PTPRM: variants seen among roughly 807,000 people sequenced by gnomAD.
PTPRM encodes receptor-type tyrosine-protein phosphatase mu.
A neutral mutation model predicts 186.7 loss-of-function variants in PTPRM; 47 were observed. The observed-to-expected ratio is 0.25, with a 90% CI of 0.20 to 0.32. PTPRM has a LOEUF of 0.32. Ranked by LOEUF, PTPRM falls within the 10% of genes least tolerant of loss-of-function variation. The pLI is 1.00. For synonymous variants in PTPRM, 668 were observed against 674.9 expected (o/e 0.99, Z 0.16); for missense variants, 1,494 against 1,865.0 (o/e 0.80, Z 3.66).
At chr18:8,164,892 C>T (rs753181646) in intron 14 of PTPRM, among the ~76,000 whole-genome samples, 7 of 34,606 alleles carry the variant, frequency 2.0e-4, no homozygotes, top group Non-Finnish European at 3.4e-4. Context: ...TAAGGCCAGG[C>T]GCAGTGGCAC....
intron 14 of PTPRM, among the ~76,000 whole-genome samples, chr18:8,146,806 A>G (rs2092897802): frequency 6.6e-6 from 1 of 152,126 alleles, no homozygotes; most frequent in African/African-American, 2.4e-5. Flanking sequence ...TAAGTCTTTA[A>G]TCCATCTTGA....
chr18:7,809,282 T>A (rs112826802), intron 2 of PTPRM, among the ~76,000 whole-genome samples: 123 of 152,236 alleles, frequency 8.1e-4, no homozygotes, highest in African/African-American at 2.7e-3. Context: ...TGTGCTCTAT[T>A]TTCCATCTGC....
At chr18:8,322,744 A>G (rs2095353553) in intron 22 of PTPRM, among the ~76,000 whole-genome samples, 1 of 152,190 alleles carries the variant, frequency 6.6e-6, no homozygotes, top group African/African-American at 2.4e-5. Context: ...CCACACACAT[A>G]AGAACCGACT....
chr18:8,207,479 G>A (rs1360939789), intron 14 of PTPRM, among the ~76,000 whole-genome samples: 1 of 152,100 alleles, frequency 6.6e-6, no homozygotes, highest in Non-Finnish European at 1.5e-5. Flanking sequence ...ATAAATGATG[G>A]TGCACATTTC....
At position 7,800,231 on chromosome 18, in the gene PTPRM, G is replaced by A. The variant is rs137863450; in HGVS notation, c.196+25960G>A. Among the ~76,000 whole-genome samples the A allele has an allele frequency of 8.5e-4, 129 of 152,228 alleles. 1 individual carries two copies. The highest frequency in any genetic ancestry group is 1.4e-3 in the African/African-American group (59 of 41,524). On this transcript the variant is annotated intron_variant, in intron 2 of 32. Coordinates refer to ENST00000580170, the MANE Select transcript of PTPRM (RefSeq NM_001105244.2). ...AAGCATACACTAAATCTATTACAGC[G>A]CTGCCCAATGTCATTTTTGGTCATG...
chr18:8,106,249 G>C (rs2091512281), intron 11 of PTPRM, among the ~76,000 whole-genome samples: 1 of 152,168 alleles, frequency 6.6e-6, no homozygotes, highest in African/African-American at 2.4e-5. Flanking sequence ...TCCATCTTCT[G>C]TGCTGATGAA....
At chr18:8,021,433 A>G (rs12326285) in intron 7 of PTPRM, among the ~76,000 whole-genome samples, 56,226 of 151,342 alleles carry the variant, frequency 0.37, 10,949 homozygotes, top group Non-Finnish European at 0.44. Context: ...TACATGTGCC[A>G]TGGTGGTTTG....
At chr18:7,756,209 G>A (rs1204390988) in intron 1 of PTPRM, among the ~76,000 whole-genome samples, 1 of 152,184 alleles carries the variant, frequency 6.6e-6, no homozygotes, top group Non-Finnish European at 1.5e-5. Context: ...GTTGCTTTCA[G>A]TGTTAGGTTA....
chr18:7,674,728 T>C (rs1383198782), intron 1 of PTPRM, among the ~76,000 whole-genome samples: 1 of 152,220 alleles, frequency 6.6e-6, no homozygotes, highest in African/African-American at 2.4e-5. Context: ...GATTTTCTTA[T>C]TTTGCCCATA....
At position 7,810,606 on chromosome 18, in the gene PTPRM, T is replaced by C. The variant is rs901454222; in HGVS notation, c.196+36335T>C. ...ACACCTACTTAGTAGCTTGTGTGTG[T>C]TGGGGAGAGACTGGGGTGGGGGGAG... On this transcript the variant is annotated intron_variant, in intron 2 of 32. Coordinates refer to ENST00000580170, the MANE Select transcript of PTPRM (RefSeq NM_001105244.2). Among the ~76,000 whole-genome samples the C allele has an allele frequency of 3.3e-5, 5 of 151,834 alleles. No individual in the cohort carries two copies. In the South Asian group the frequency reaches 1.0e-3, roughly 32 times the overall value.
At chr18:8,188,970 T>A (rs536122797) in intron 14 of PTPRM, among the ~76,000 whole-genome samples, 2 of 152,230 alleles carry the variant, frequency 1.3e-5, no homozygotes, top group African/African-American at 4.8e-5. Flanking sequence ...TTTCCAAAGA[T>A]GGCTGAGTAT....
At chr18:7,651,695 C>G (rs1323439262) in intron 1 of PTPRM, among the ~76,000 whole-genome samples, 4 of 151,942 alleles carry the variant, frequency 2.6e-5, no homozygotes, top group African/African-American at 9.7e-5. Context: ...AACTGGCTAG[C>G]CATATGTAGA....
chr18:7,865,306 GA>G (rs200214280), intron 2 of PTPRM, among the ~76,000 whole-genome samples: 4,603 of 152,248 alleles, frequency 0.03, 159 homozygotes, highest in East Asian at 0.15. Flanking sequence ...CCTTCAGTAT[GA>G]TATTGGCTGT....
chr18:7,948,130 T>TACAC (rs57918724), intron 5 of PTPRM, among the ~76,000 whole-genome samples: 13,370 of 137,746 alleles, frequency 0.097, 673 homozygotes, highest in Non-Finnish European at 0.12. Flanking sequence ...GATTATAAAA[T>TACAC]ACACACACAC....
At chr18:7,833,824 C>T (rs1308764294) in intron 2 of PTPRM, among the ~76,000 whole-genome samples, 3 of 152,162 alleles carry the variant, frequency 2.0e-5, no homozygotes, top group African/African-American at 7.2e-5. Flanking sequence ...ATTTTGTGTC[C>T]TGCAACTTTA....
intron 11 of PTPRM, among the ~76,000 whole-genome samples, chr18:8,107,769 GT>G (rs2091588377): frequency 6.6e-6 from 1 of 152,170 alleles, no homozygotes; most frequent in Non-Finnish European, 1.5e-5. Flanking sequence ...TGTGTGATGT[GT>G]TACCCATTGC....
At chr18:8,296,555 A>C in intron 20 of PTPRM, 100 bp downstream of exon 20, 1 of 803,216 alleles carries the variant, frequency 1.2e-6, no homozygotes. Context: ...CAGTGCAATT[A>C]CCTCCTTCAT....
rs375393712 is a variant in PTPRM at position 8,069,834 on chromosome 18, A to G, written c.1281A>G (p.Glu427=). 154 of 1,614,022 alleles carry G rather than the reference A, an allele frequency of 9.5e-5. No homozygotes were observed. Among genetic ancestry groups the G allele is most frequent in the Non-Finnish European group, 1.3e-4 (148 of 1,180,020 alleles). The change falls in exon 8 of 33, where the codon GAA becomes GAG. Residue 427 remains glutamate, a synonymous_variant. Transcript: ENST00000580170. ...VHYCYQVGGQ[E]QVREEVSWDT... is the part of the protein sequence containing the mutation. The stretch of plus-strand genomic sequence containing the variant: ...ACTGTTACCAAGTTGGAGGACAAGA[A>G]CAAGTGCGAGAAGAAGTAAGCTGGG...
intron 1 of PTPRM, among the ~76,000 whole-genome samples, chr18:7,723,346 T>C (rs1169112642): frequency 1.3e-5 from 2 of 152,218 alleles, no homozygotes; most frequent in Admixed American, 1.3e-4. Flanking sequence ...GCAAGCAAGC[T>C]TTTTCTAACA....
Sources: gnomAD v4.1 joint callset for allele counts (sites outside exome capture counted in the v4.1 genomes callset) on GRCh38, gnomAD v4.1.1 for gene constraint, MANE v1.5 for transcripts, NCBI Gene and HGNC (gene_info 2026-07-23, HGNC 2026-07-21) for gene names.